Variants in IL18R1 observed in about 807,000 individuals in gnomAD.
IL18R1 encodes the protein interleukin-18 receptor 1.
Under a neutral mutation model 48.5 loss-of-function variants are expected in IL18R1, and 40 were observed. The observed-to-expected ratio is 0.82, with a 90% CI of 0.64 to 1.07. IL18R1 has a LOEUF of 1.07. Ranked by LOEUF, IL18R1 falls within the 50% of genes least tolerant of loss-of-function variation. The pLI is 0.00. For missense variants in IL18R1, 596 were observed against 633.7 expected (o/e 0.94, Z 0.64); for synonymous variants, 232 against 225.9 (o/e 1.03, Z -0.24).
chr2:102,396,382 A>G (rs2105138552), intron 10 of IL18R1, 149 bp from the exon 11 acceptor site: 1 of 535,976 alleles, frequency 1.9e-6, no homozygotes, highest in South Asian at 3.0e-5. Flanking sequence ...TAATAAGCAT[A>G]TAAAATTAAG....
chr2:102,361,744 G>T (rs191962066), intron 1 of IL18R1, among the ~76,000 whole-genome samples: 114 of 152,294 alleles, frequency 7.5e-4, no homozygotes, highest in African/African-American at 2.5e-3. Context: ...ACTCAGGATG[G>T]TAAACAAGGG....
intron 5 of IL18R1, among the ~76,000 whole-genome samples, chr2:102,380,189 T>C (rs917328288): frequency 2.6e-5 from 4 of 152,176 alleles, no homozygotes; most frequent in African/African-American, 9.7e-5. Flanking sequence ...CACTAAGATG[T>C]TGTCTTCCTT....
Position 102,362,687 on chromosome 2 carries a change from C to T in IL18R1, c.27C>T (p.Thr9=). The change falls in exon 2 of 11, where the codon ACC becomes ACT. Residue 9 remains threonine, a synonymous_variant. Coordinates refer to ENST00000233957, the MANE Select transcript of IL18R1 (RefSeq NM_003855.5). MNCRELPL[T]LWVLISVSTA... ...TGAATTGTAGAGAATTACCCTTGACCCTTTGGGTGCTTATATCTGTAAGCA... is the reference window on the plus strand; with the variant it reads ...TGAATTGTAGAGAATTACCCTTGACTCTTTGGGTGCTTATATCTGTAAGCA... 1.9e-6 allele frequency: 3 copies of T among 1,606,518 alleles called. No individual in the cohort carries two copies. In the South Asian group the frequency reaches 3.3e-5, roughly 18 times the overall value.
At chr2:102,367,749 A>G (rs2105048107) in intron 2 of IL18R1, 76 bp from the exon 3 acceptor site, 2 of 1,340,134 alleles carry the variant, frequency 1.5e-6, no homozygotes, top group Non-Finnish European at 2.1e-6. Context: ...CACCTAATGC[A>G]TTAGGAGACC....
chr2:102,398,720 A>T lies in IL18R1; in HGVS notation c.*1834A>T, dbSNP rs147845649. On this transcript the variant is annotated 3_prime_UTR_variant, in exon 11 of 11. Coordinates refer to ENST00000233957, the MANE Select transcript of IL18R1 (RefSeq NM_003855.5). Reference sequence around the variant, plus strand: ...CAAGTTAAATGTCTTAAATGTATACATTAGATGTGTGTTTTAAAATGCATA... The same window carrying T: ...CAAGTTAAATGTCTTAAATGTATACTTTAGATGTGTGTTTTAAAATGCATA... 2.3e-4 allele frequency: 35 copies of T among 152,498 alleles called. No homozygotes were observed. The highest frequency in any genetic ancestry group is 6.5e-4 in the Admixed American group (10 of 15,308). The allele number at this position is 152,498 out of a possible 1,614,324, so 9.4% of individuals were successfully genotyped here.
chr2:102,357,409 T>A (rs1025449161), intron 1 of IL18R1, among the ~76,000 whole-genome samples: 8 of 151,264 alleles, frequency 5.3e-5, no homozygotes, highest in Non-Finnish European at 1.0e-4. Context: ...GAGAATCCCT[T>A]GAACCTGGGA....
intron 5 of IL18R1, among the ~76,000 whole-genome samples, chr2:102,379,760 GTC>G (rs527953590): frequency 1.1e-4 from 16 of 152,208 alleles, no homozygotes; most frequent in Non-Finnish European, 1.9e-4. Flanking sequence ...GAAGGTTAGA[GTC>G]ATGCTTCTAG....
chr2:102,382,189 C>G (rs1013027653), intron 6 of IL18R1, among the ~76,000 whole-genome samples: 13 of 152,110 alleles, frequency 8.5e-5, no homozygotes, highest in African/African-American at 3.1e-4. Context: ...AGGAGAATCT[C>G]TTGAACCCAG....
chr2:102,371,677 C>T (rs1353081648), intron 3 of IL18R1, among the ~76,000 whole-genome samples: 1 of 152,128 alleles, frequency 6.6e-6, no homozygotes, highest in Non-Finnish European at 1.5e-5. Context: ...AATATATTGT[C>T]TGCAGTAGGA....
chr2:102,370,253 T>A (rs948263359), intron 3 of IL18R1, among the ~76,000 whole-genome samples: 1 of 152,204 alleles, frequency 6.6e-6, no homozygotes, highest in Admixed American at 6.5e-5. Context: ...ATCAGTCCTC[T>A]AGCATTTGTT....
At chr2:102,383,744 T>G (rs1680051172) in intron 6 of IL18R1, among the ~76,000 whole-genome samples, 1 of 152,248 alleles carries the variant, frequency 6.6e-6, no homozygotes, top group South Asian at 2.1e-4. Context: ...TTAGTCCATC[T>G]GTATATTTAA....
chr2:102,374,603 C>G (rs955534716), intron 4 of IL18R1, among the ~76,000 whole-genome samples: 6 of 151,922 alleles, frequency 3.9e-5, no homozygotes, highest in African/African-American at 1.4e-4. Context: ...ATGATGAAAC[C>G]CCGTCTCTAC....
At chr2:102,366,293 A>G (rs531085942) in intron 2 of IL18R1, among the ~76,000 whole-genome samples, 4 of 152,348 alleles carry the variant, frequency 2.6e-5, no homozygotes, top group African/African-American at 9.6e-5. Flanking sequence ...GCAAAATGCA[A>G]CTAATCTCTT....
At chr2:102,378,501 A>G (rs1679728033) in intron 5 of IL18R1, among the ~76,000 whole-genome samples, 1 of 152,002 alleles carries the variant, frequency 6.6e-6, no homozygotes, top group South Asian at 2.1e-4. Context: ...TGTCCATCTT[A>G]TTTTTCTTGT....
intron 2 of IL18R1, among the ~76,000 whole-genome samples, chr2:102,366,844 C>A (rs11465589): frequency 0.012 from 1,814 of 152,250 alleles, 39 homozygotes; most frequent in African/African-American, 0.042. Context: ...GGGGACACAG[C>A]CAAACCATAT....
chr2:102,364,104 C>T (rs895217597), intron 2 of IL18R1, among the ~76,000 whole-genome samples: 1 of 152,194 alleles, frequency 6.6e-6, no homozygotes, highest in Non-Finnish European at 1.5e-5. Context: ...CAACCTCCCA[C>T]CTCTGGAGAG....
intron 9 of IL18R1, among the ~76,000 whole-genome samples, chr2:102,394,256 T>C (rs375211718): frequency 6.6e-6 from 1 of 152,172 alleles, no homozygotes; most frequent in Non-Finnish European, 1.5e-5. Context: ...TATTCTTCTG[T>C]GGTGTCAAGC....
intron 4 of IL18R1, chr2:102,374,124 C>T (rs1356525294): frequency 9.2e-6 from 2 of 217,344 alleles, no homozygotes; most frequent in Non-Finnish European, 2.0e-5. Context: ...CACCCTGGTC[C>T]ATGGAAAAGT....
At chr2:102,389,132 T>A (rs1215136448) in intron 8 of IL18R1, among the ~76,000 whole-genome samples, 1 of 152,158 alleles carries the variant, frequency 6.6e-6, no homozygotes, top group Non-Finnish European at 1.5e-5. Context: ...ACTTTATGTC[T>A]ACTTACTAAA....
Sources: allele counts gnomAD v4.1 joint callset (sites outside exome capture counted in the v4.1 genomes callset), GRCh38; gene constraint gnomAD v4.1.1; transcripts MANE v1.5; gene names NCBI Gene and HGNC (gene_info 2026-07-23, HGNC 2026-07-21).